The following KLF12 variants were observed in gnomAD, a reference collection of about 807,000 sequenced individuals.
KLF12 encodes KLF transcription factor 12.
A neutral mutation model predicts 37.8 loss-of-function variants in KLF12; 9 were observed. The ratio of observed to expected loss-of-function variants is 0.24; its 90% CI spans 0.14 to 0.42. The LOEUF (loss-of-function observed/expected upper bound fraction) is 0.42. Among genes scored for constraint, KLF12 ranks in the 10% least tolerant of loss-of-function variants. The probability of loss-of-function intolerance (pLI) is 1.00; values close to 1 mark genes in which losing one functional copy is unlikely to be tolerated. For missense variants in KLF12, 411 were observed against 516.0 expected (o/e 0.80, Z 1.97); for synonymous variants, 208 against 202.1 (o/e 1.03, Z -0.25).
chr13:74,101,334 G>A (rs111497003), intron 1 of KLF12, among the ~76,000 whole-genome samples: 23 of 152,230 alleles, frequency 1.5e-4, no homozygotes, highest in African/African-American at 5.5e-4. Flanking sequence ...GCTTGCACAT[G>A]AATAACTTGT....
In KLF12 at chr13:73,756,005, G is replaced by A. The variant is rs145111932; in HGVS notation, c.869+8933C>T. 3.3e-3 allele frequency among the ~76,000 whole-genome samples: 505 copies of A among 152,202 alleles called. 7 individuals are homozygous for A. The highest frequency in any genetic ancestry group is 0.012 in the African/African-American group (489 of 41,542). On this transcript the variant is annotated intron_variant, in intron 6 of 7. Transcript: ENST00000377669. ...CATTTTCTTTATCCGCTTGTTGACT[G>A]ATGGGCATTTGGGCTGGTTGCATAT...
the KLF12 span, among the ~76,000 whole-genome samples, chr13:74,229,109 A>G: frequency 1.3e-5 from 2 of 152,186 alleles, no homozygotes; most frequent in Non-Finnish European, 2.9e-5. Flanking sequence ...ATGCCCTTTT[A>G]GAGTTGTGAG....
chr13:74,253,776 C>T, the KLF12 span, among the ~76,000 whole-genome samples: 193 of 152,248 alleles, frequency 1.3e-3, no homozygotes, highest in African/African-American at 4.3e-3. Context: ...TACCACCAAA[C>T]AAACAAGCAA....
At chr13:74,287,661 G>C in the KLF12 span, among the ~76,000 whole-genome samples, 1 of 152,136 alleles carries the variant, frequency 6.6e-6, no homozygotes, top group Non-Finnish European at 1.5e-5. Context: ...ACAAAGCAAA[G>C]AGAAGCAAGG....
At chr13:73,833,826 C>T (rs1022383479) in intron 4 of KLF12, among the ~76,000 whole-genome samples, 3 of 152,054 alleles carry the variant, frequency 2.0e-5, no homozygotes, top group Non-Finnish European at 4.4e-5. Flanking sequence ...GATGTGAGGA[C>T]GTGCGGAGGC....
intron 5 of KLF12, among the ~76,000 whole-genome samples, chr13:73,793,207 C>A (rs1881784095): frequency 6.6e-6 from 1 of 152,150 alleles, no homozygotes; most frequent in Non-Finnish European, 1.5e-5. Context: ...TCAAGGATCT[C>A]ATTTATAGGA....
chr13:73,880,821 C>A (rs554006833), intron 3 of KLF12, among the ~76,000 whole-genome samples: 1 of 152,220 alleles, frequency 6.6e-6, no homozygotes, highest in South Asian at 2.1e-4. Flanking sequence ...ACTAACCAAA[C>A]TGTTATTAAA....
At chr13:74,284,378 GT>G in the KLF12 span, among the ~76,000 whole-genome samples, 2 of 152,136 alleles carry the variant, frequency 1.3e-5, no homozygotes, top group African/African-American at 4.8e-5. Context: ...ACGTGAGAGT[GT>G]TATTCAGAAT....
intron 6 of KLF12, 56 bp downstream of exon 6, chr13:73,764,882 C>T (rs1270542857): frequency 2.2e-6 from 2 of 927,160 alleles, no homozygotes; most frequent in African/African-American, 3.3e-5. Flanking sequence ...TTAACATAAG[C>T]CCTATTAAAG....
At chr13:74,040,555 C>G (rs1393554940) in intron 1 of KLF12, among the ~76,000 whole-genome samples, 1 of 150,730 alleles carries the variant, frequency 6.6e-6, no homozygotes, top group African/African-American at 2.5e-5. Flanking sequence ...CATCAGAATG[C>G]CTACAAATTC....
chr13:73,883,386 C>A (rs1236920207), intron 3 of KLF12, among the ~76,000 whole-genome samples: 2 of 152,098 alleles, frequency 1.3e-5, no homozygotes, highest in Non-Finnish European at 2.9e-5. Flanking sequence ...AATGTCCTTG[C>A]CAAACTGGTA....
intron 3 of KLF12, among the ~76,000 whole-genome samples, chr13:73,878,718 G>C (rs1371385970): frequency 6.6e-6 from 1 of 152,190 alleles, no homozygotes; most frequent in Non-Finnish European, 1.5e-5. Flanking sequence ...GGTGTTCATA[G>C]AAGGCCTGCC....
chr13:74,050,575 A>G (rs1026861704), intron 1 of KLF12, among the ~76,000 whole-genome samples: 6 of 152,182 alleles, frequency 3.9e-5, no homozygotes, highest in Non-Finnish European at 8.8e-5. Context: ...ACGCATTGAG[A>G]GGAGAATCAG....
intron 1 of KLF12, among the ~76,000 whole-genome samples, chr13:74,088,809 T>C (rs1424648900): frequency 6.6e-6 from 1 of 152,228 alleles, no homozygotes; most frequent in Non-Finnish European, 1.5e-5. Context: ...GATGACCAGA[T>C]AGGGTCTTGA....
At chr13:73,911,808 T>G (rs1250546397) in intron 3 of KLF12, among the ~76,000 whole-genome samples, 6 of 152,220 alleles carry the variant, frequency 3.9e-5, no homozygotes, top group Admixed American at 3.9e-4. Flanking sequence ...ATGGATTTTG[T>G]CTTTGTGCCT....
At chr13:74,136,592 ATATAT>A (rs1483764698), upstream of KLF12, among the ~76,000 whole-genome samples, 1 of 152,198 alleles carries the variant, frequency 6.6e-6, no homozygotes, top group African/African-American at 2.4e-5. Context: ...TAGACCATAA[ATATAT>A]TCTATAGCGA....
intron 1 of KLF12, among the ~76,000 whole-genome samples, chr13:74,033,797 C>T (rs181539729): frequency 2.1e-4 from 32 of 151,838 alleles, no homozygotes; most frequent in Non-Finnish European, 4.1e-4. Context: ...GGAATATATT[C>T]CTAGAAGTAA....
At chr13:73,873,062 T>G (rs1024656594) in intron 3 of KLF12, among the ~76,000 whole-genome samples, 2 of 152,164 alleles carry the variant, frequency 1.3e-5, no homozygotes, top group African/African-American at 4.8e-5. Flanking sequence ...GTTACATCAT[T>G]TGGTTAGTGC....
intron 1 of KLF12, among the ~76,000 whole-genome samples, chr13:74,031,028 C>A (rs1893098556): frequency 6.6e-6 from 1 of 152,064 alleles, no homozygotes; most frequent in Admixed American, 6.6e-5. Context: ...CAAATATGCA[C>A]AAGGCACTGT....
Sources: gnomAD v4.1 joint callset for allele counts (sites outside exome capture counted in the v4.1 genomes callset) on GRCh38, gnomAD v4.1.1 for gene constraint, MANE v1.5 for transcripts, NCBI Gene and HGNC (gene_info 2026-07-23, HGNC 2026-07-21) for gene names.